The following SYTL1 variants were observed in gnomAD, a reference collection of about 807,000 sequenced individuals.
The protein encoded by SYTL1 is synaptotagmin-like protein 1.
In SYTL1, 53 loss-of-function variants were observed where a neutral mutation model predicts 74.6. That is an observed-to-expected ratio of 0.71 (90% CI 0.57 to 0.89). The LOEUF is 0.89. Ranked by LOEUF, SYTL1 falls within the 40% of genes least tolerant of loss-of-function variation. The pLI, the probability that SYTL1 is intolerant of heterozygous loss-of-function variation, is 0.00. For synonymous variants in SYTL1, 329 were observed against 324.9 expected (o/e 1.01, Z -0.14); for missense variants, 728 against 768.7 (o/e 0.95, Z 0.63).
Position 27,345,354 on chromosome 1 carries a change from C to T in SYTL1, c.20C>T (p.Pro7Leu), listed in dbSNP as rs1343504394. Residue 7 changes from proline (P) to leucine (L), a missense_variant, in exon 2 of 15, where the codon CCA becomes CTA. Transcript: ENST00000616558. The surrounding 1 kb of genome is among the most constrained non-coding windows in gnomAD (Gnocchi z 6.0). ...CAGCTGATGCCCCAGAGGGGCCACC[C>T]ATCGCAAGAGGGGCTTTGGGCTCTG... Reference protein sequence around the residue: MPQRGHPSQEGLWALPS... With the variant: MPQRGHLSQEGLWALPS... 1 of 1,535,020 alleles carries T rather than the reference C, an allele frequency of 6.5e-7. No individual in the cohort carries two copies. The highest frequency in any genetic ancestry group is 8.8e-7 in the Non-Finnish European group (1 of 1,139,786).
chr1:27,350,768 C>T lies in SYTL1; in HGVS notation c.1006-26C>T, dbSNP rs2015232345. ...TCTACGCGGGCCACCAGCAGTGCTC[C>T]ACTAAAGCTCACCTCCTGTCCTCAG... On this transcript the variant is annotated intron_variant, in intron 10 of 14. Coordinates refer to ENST00000616558, the MANE Select transcript of SYTL1 (RefSeq NM_001193308.2). This position sits in a 1 kb window ranked among gnomAD's most constrained non-coding sequence, Gnocchi z 6.3. 2 of 1,611,708 alleles carry T rather than the reference C, an allele frequency of 1.2e-6. No individual in the cohort carries two copies. Among genetic ancestry groups the T allele is most frequent in the Non-Finnish European group, 8.5e-7 (1 of 1,178,612 alleles).
Position 27,345,269 on chromosome 1 carries a change from C to T in SYTL1, c.-38-28C>T. On this transcript the variant is annotated intron_variant, in intron 1 of 14. Transcript: ENST00000616558. This position sits in a 1 kb window ranked among gnomAD's most constrained non-coding sequence, Gnocchi z 6.0. ...GGATGTGCCAAGCATTTGTGCAGGGCTTGACCTGACCCTCGGTCTGCCCCC... is the reference window on the plus strand; with the variant it reads ...GGATGTGCCAAGCATTTGTGCAGGGTTTGACCTGACCCTCGGTCTGCCCCC... The T allele has an allele frequency of 1.6e-6, 2 of 1,267,854 alleles. No homozygotes were observed. Among genetic ancestry groups the T allele is most frequent in the South Asian group, 3.2e-5 (2 of 62,584 alleles). 78.5% of individuals were successfully genotyped at this position (1,267,854 alleles called of 1,614,324 possible).
At position 27,348,144 on chromosome 1, in the gene SYTL1, C is replaced by A; in HGVS notation, c.459+132C>A. 1.2e-6 allele frequency: 1 copy of A among 843,198 alleles called. No homozygotes were observed. Among genetic ancestry groups the A allele is most frequent in the Non-Finnish European group, 2.0e-6 (1 of 508,268 alleles). The allele number at this position is 843,198 out of a possible 1,614,324, so 52.2% of individuals were successfully genotyped here. A position where few individuals can be genotyped will look rare whatever the true frequency, so the allele number is the denominator to read the frequency against. ...AATGTTCCTTCCTGTGTCTGCACCTCATCACCTCCTGGGTGGAACAGTGGT... is the reference window on the plus strand; with the variant it reads ...AATGTTCCTTCCTGTGTCTGCACCTAATCACCTCCTGGGTGGAACAGTGGT... On this transcript the variant is annotated intron_variant, in intron 5 of 14. Transcript: ENST00000616558. This position sits in a 1 kb window ranked among gnomAD's most constrained non-coding sequence, Gnocchi z 4.1.
rs1431668066 is a variant in SYTL1 at position 27,342,076 on chromosome 1, CCGGTCCCTGAAACT to C, written c.-109_-96del. The C allele has an allele frequency of 6.6e-6, 1 of 152,366 alleles. No individual in the cohort carries two copies. Among genetic ancestry groups the C allele is most frequent in the East Asian group, 1.9e-4 (1 of 5,194 alleles). The allele number at this position is 152,366 out of a possible 1,614,324, so 9.4% of individuals were successfully genotyped here. On this transcript the variant is annotated 5_prime_UTR_variant, in exon 1 of 15. Transcript: ENST00000616558. This position sits in a 1 kb window ranked among gnomAD's most constrained non-coding sequence, Gnocchi z 4.7. The stretch of plus-strand genomic sequence containing the variant: ...GCCTTCTTCCCTCACGGCTCTTCTC[CCGGTCCCTGAAACT>C]CGGCTGCCAGGGGAGCTGGAGCCAC...
Position 27,350,272 on chromosome 1 carries a change from T to C in SYTL1, c.909-117T>C. 2 of 1,485,902 alleles carry C rather than the reference T, an allele frequency of 1.3e-6. No individual in the cohort carries two copies. Among genetic ancestry groups the C allele is most frequent in the Non-Finnish European group, 1.9e-6 (2 of 1,065,222 alleles). 92.0% of individuals were successfully genotyped at this position (1,485,902 alleles called of 1,614,324 possible). ...GCGTGCGATTAAGCGAGACAATCCC[T>C]GTAAAGCGCTTAGCACGAGGCCTGG... On this transcript the variant is annotated intron_variant, in intron 9 of 14. Coordinates refer to ENST00000616558, the MANE Select transcript of SYTL1 (RefSeq NM_001193308.2). The surrounding 1 kb of genome is among the most constrained non-coding windows in gnomAD (Gnocchi z 6.3).
chr1:27,344,392 T>A (rs1466025969), intron 1 of SYTL1, among the ~76,000 whole-genome samples: 2 of 151,524 alleles, frequency 1.3e-5, no homozygotes, highest in African/African-American at 2.4e-5. Flanking sequence ...GGTGAGCCAC[T>A]GTATCTGGCC....
Position 27,350,320 on chromosome 1 carries a change from G to C in SYTL1, c.909-69G>C. On this transcript the variant is annotated intron_variant, in intron 9 of 14. Coordinates refer to ENST00000616558, the MANE Select transcript of SYTL1 (RefSeq NM_001193308.2). The surrounding 1 kb of genome is among the most constrained non-coding windows in gnomAD (Gnocchi z 6.3). ...TGGCACGTGTTCGGGATGGTGGCTGGGGGAGCCCACAGGCAGGGGAGAAGG... is the reference window on the plus strand; with the variant it reads ...TGGCACGTGTTCGGGATGGTGGCTGCGGGAGCCCACAGGCAGGGGAGAAGG... 1 of 1,524,166 alleles carries C rather than the reference G, an allele frequency of 6.6e-7. No homozygotes were observed. The highest frequency in any genetic ancestry group is 9.1e-7 in the Non-Finnish European group (1 of 1,098,094). The allele number at this position is 1,524,166 out of a possible 1,614,324, so 94.4% of individuals were successfully genotyped here.
chr1:27,347,910 G>A lies in SYTL1; in HGVS notation c.413+30G>A, dbSNP rs1557540445. 2 of 1,614,024 alleles carry A rather than the reference G, an allele frequency of 1.2e-6. No individual in the cohort carries two copies. Among genetic ancestry groups the A allele is most frequent in the Non-Finnish European group, 1.7e-6 (2 of 1,179,904 alleles). On this transcript the variant is annotated intron_variant, in intron 4 of 14. Coordinates refer to ENST00000616558, the MANE Select transcript of SYTL1 (RefSeq NM_001193308.2). This position sits in a 1 kb window ranked among gnomAD's most constrained non-coding sequence, Gnocchi z 4.9. ...GGAGGAGTCTCAGGAAGGGGGAGAT[G>A]GTGCCCACCAGTCACCAGGGTCCCT... is the stretch of plus-strand genomic sequence containing the variant.
chr1:27,349,412 G>C lies in SYTL1; in HGVS notation c.547G>C (p.Asp183His). 6.9e-7 allele frequency: 1 copy of C among 1,447,440 alleles called. No individual in the cohort carries two copies. Among genetic ancestry groups the C allele is most frequent in the Non-Finnish European group, 9.1e-7 (1 of 1,098,078 alleles). The allele number at this position is 1,447,440 out of a possible 1,614,324, so 89.7% of individuals were successfully genotyped here. A position where few individuals can be genotyped will look rare whatever the true frequency, so the allele number is the denominator to read the frequency against. Reference sequence around the variant, plus strand: ...CCCCACCCCAGATCCTGGCCAAGGAGACCAACAGGTCTGTGCCGAGGAGGC... The same window carrying C: ...CCCCACCCCAGATCCTGGCCAAGGACACCAACAGGTCTGTGCCGAGGAGGC... ...SQAQEDPGQG[D>H]QQVCAEEADP... Residue 183 changes from aspartate (D) to histidine (H), a missense_variant, in exon 7 of 15, where the codon GAC (aspartate) becomes CAC (histidine). By Grantham distance (81) the Asp-to-His change is moderately conservative. Coordinates refer to ENST00000616558, the MANE Select transcript of SYTL1 (RefSeq NM_001193308.2).
Position 27,351,133 on chromosome 1 carries a change from C to T in SYTL1, c.1165-125C>T. ...CCCCTTCCCCGAGGGCGCTAGGACCCCTAGGTTCTGCCCCTGCAGGCCCCG... is the reference window on the plus strand; with the variant it reads ...CCCCTTCCCCGAGGGCGCTAGGACCTCTAGGTTCTGCCCCTGCAGGCCCCG... On this transcript the variant is annotated intron_variant, in intron 11 of 14. Coordinates refer to ENST00000616558, the MANE Select transcript of SYTL1 (RefSeq NM_001193308.2). The surrounding 1 kb of genome is among the most constrained non-coding windows in gnomAD (Gnocchi z 5.0). 2 of 1,345,374 alleles carry T rather than the reference C, an allele frequency of 1.5e-6. No homozygotes were observed. The highest frequency in any genetic ancestry group is 2.0e-6 in the Non-Finnish European group (2 of 988,810). The allele number at this position is 1,345,374 out of a possible 1,614,324, so 83.3% of individuals were successfully genotyped here. A position where few individuals can be genotyped will look rare whatever the true frequency, so the allele number is the denominator to read the frequency against.
In SYTL1 at chr1:27,348,917, T is replaced by C. The variant is rs2148033396; in HGVS notation, c.460-163T>C. On this transcript the variant is annotated intron_variant, in intron 5 of 14. Coordinates refer to ENST00000616558, the MANE Select transcript of SYTL1 (RefSeq NM_001193308.2). The surrounding 1 kb of genome is among the most constrained non-coding windows in gnomAD (Gnocchi z 4.1). ...TGCGGGGTGGGCTGTGAAGCACTGG[T>C]CTCACCGCTCCTGCAGCTGGCTGCC... is the stretch of plus-strand genomic sequence containing the variant. Among the ~76,000 whole-genome samples, 1 of 152,152 alleles carries C rather than the reference T, an allele frequency of 6.6e-6. No homozygotes were observed. The highest frequency in any genetic ancestry group is 2.1e-4 in the South Asian group (1 of 4,826).
rs1163648834 is a variant in SYTL1 at position 27,347,720 on chromosome 1, G to A, written c.341-88G>A. On this transcript the variant is annotated intron_variant, in intron 3 of 14. Coordinates refer to ENST00000616558, the MANE Select transcript of SYTL1 (RefSeq NM_001193308.2). The surrounding 1 kb of genome is among the most constrained non-coding windows in gnomAD (Gnocchi z 4.9). ...GGGCAATGCCCCTCCGTGGGCATGG[G>A]GTGGGTGGGTATCTCCCAGGGCCTC... 6.6e-7 allele frequency: 1 copy of A among 1,510,168 alleles called. No individual in the cohort carries two copies. Among genetic ancestry groups the A allele is most frequent in the Non-Finnish European group, 9.0e-7 (1 of 1,110,522 alleles). The allele number at this position is 1,510,168 out of a possible 1,614,324, so 93.5% of individuals were successfully genotyped here.
At chr1:27,346,842 A>G (rs2015023178) in intron 2 of SYTL1, among the ~76,000 whole-genome samples, 1 of 152,122 alleles carries the variant, frequency 6.6e-6, no homozygotes, top group Non-Finnish European at 1.5e-5. Context: ...TTAAGAAGAA[A>G]TTCAAGGCTG....
In SYTL1 at chr1:27,350,322, G is replaced by A. The variant is rs1395641181; in HGVS notation, c.909-67G>A. The A allele has an allele frequency of 3.9e-6, 6 of 1,523,342 alleles. No individual in the cohort carries two copies. The highest frequency in any genetic ancestry group is 2.2e-5 in the South Asian group (2 of 89,310). The allele number at this position is 1,523,342 out of a possible 1,614,324, so 94.4% of individuals were successfully genotyped here. On this transcript the variant is annotated intron_variant, in intron 9 of 14. Coordinates refer to ENST00000616558, the MANE Select transcript of SYTL1 (RefSeq NM_001193308.2). This position sits in a 1 kb window ranked among gnomAD's most constrained non-coding sequence, Gnocchi z 6.3. ...GCACGTGTTCGGGATGGTGGCTGGG[G>A]GAGCCCACAGGCAGGGGAGAAGGCT...
At chr1:27,353,610 G>A in intron 14 of SYTL1, 103 bp from the exon 15 acceptor site, 1 of 1,550,702 alleles carries the variant, frequency 6.4e-7, no homozygotes, top group Non-Finnish European at 8.8e-7. Flanking sequence ...AGAACTGAGG[G>A]TGGTAACGGG....
rs2015220098 is a variant in SYTL1 at position 27,350,502 on chromosome 1, G to A, written c.1005+17G>A. 2 of 1,598,104 alleles carry A rather than the reference G, an allele frequency of 1.3e-6. No individual in the cohort carries two copies. Among genetic ancestry groups the A allele is most frequent in the South Asian group, 1.1e-5 (1 of 90,720 alleles). ...ACTCTCCGGGTGAGGCTGTGACCAC[G>A]ATGCGGTTCCCCGTTAATGAACTGG... On this transcript the variant is annotated intron_variant, in intron 10 of 14. Transcript: ENST00000616558. This position sits in a 1 kb window ranked among gnomAD's most constrained non-coding sequence, Gnocchi z 6.3.
At chr1:27,349,810 G>C in intron 8 of SYTL1, 45 bp downstream of exon 8, 2 of 1,552,704 alleles carry the variant, frequency 1.3e-6, no homozygotes, top group Non-Finnish European at 1.7e-6. Context: ...GGGTGGACCC[G>C]TTCCGATGCG....
At position 27,353,321 on chromosome 1, in the gene SYTL1, G is replaced by A. The variant is rs201757278; in HGVS notation, c.1382G>A (p.Arg461His). The A allele has an allele frequency of 6.8e-6, 11 of 1,606,822 alleles. No homozygotes were observed. The highest frequency in any genetic ancestry group is 4.5e-5 in the South Asian group (4 of 89,480). ...LPDDSQASRQ[R>H]TRVVRRSLSP... ...GATGACAGCCAGGCCAGCCGCCAGC[G>A]TACAAGGGTTGTGCGACGCAGCCTC... Residue 461 changes from arginine (R) to histidine (H), a missense_variant, in exon 14 of 15, where the codon CGT becomes CAT. Physicochemically the swap from Arg to His is conservative, Grantham distance 29. Transcript: ENST00000616558.
chr1:27,344,307 T>G (rs2014902819), intron 1 of SYTL1, among the ~76,000 whole-genome samples: 1 of 152,096 alleles, frequency 6.6e-6, no homozygotes, highest in Non-Finnish European at 1.5e-5. Context: ...TTCTCCGTGT[T>G]GGTCAGGCTG....
Sources: gnomAD v4.1 joint callset for allele counts (sites outside exome capture counted in the v4.1 genomes callset) on GRCh38, gnomAD v4.1.1 for gene constraint, Gnocchi (gnomAD v3.1) non-coding constraint, MANE v1.5 for transcripts, NCBI Gene and HGNC (gene_info 2026-07-23, HGNC 2026-07-21) for gene names.